ANO4: variants seen among roughly 807,000 people sequenced by gnomAD.
ANO4 encodes anoctamin 4.
In ANO4, 69 loss-of-function variants were observed where a neutral mutation model predicts 141.9. The ratio of observed to expected loss-of-function variants is 0.49; its 90% CI spans 0.40 to 0.59. The LOEUF (loss-of-function observed/expected upper bound fraction) is 0.59. ANO4 is among the 20% of genes least tolerant of loss of function. The probability of loss-of-function intolerance (pLI) is 0.00; values close to 1 mark genes in which losing one functional copy is unlikely to be tolerated. For synonymous variants in ANO4, 350 were observed against 394.3 expected (o/e 0.89, Z 1.33); for missense variants, 894 against 1,162.2 (o/e 0.77, Z 3.36).
chr12:100,900,902 T>C (rs936156005), intron 1 of ANO4, among the ~76,000 whole-genome samples: 2 of 152,212 alleles, frequency 1.3e-5, no homozygotes, highest in Admixed American at 6.5e-5. Flanking sequence ...GAACCTCCAA[T>C]GGTGAACAAT....
intron 1 of ANO4, among the ~76,000 whole-genome samples, chr12:100,894,301 T>C (rs1205540417): frequency 2.0e-5 from 3 of 152,014 alleles, no homozygotes; most frequent in Admixed American, 6.6e-5. Context: ...TGGAGGATGG[T>C]TGGGCAGTAG....
intron 9 of ANO4, among the ~76,000 whole-genome samples, chr12:101,030,707 C>G (rs2046939249): frequency 6.6e-6 from 1 of 151,806 alleles, no homozygotes; most frequent in Non-Finnish European, 1.5e-5. Flanking sequence ...TAAGAAATAC[C>G]ACTAGCTAGA....
intron 3 of ANO4, among the ~76,000 whole-genome samples, chr12:100,928,486 G>A (rs2041965151): frequency 6.6e-6 from 1 of 152,050 alleles, no homozygotes; most frequent in African/African-American, 2.4e-5. Flanking sequence ...ATTAAAGCTT[G>A]AATAAGTTAA....
At chr12:101,045,715 A>G (rs955774284) in intron 13 of ANO4, among the ~76,000 whole-genome samples, 10 of 152,176 alleles carry the variant, frequency 6.6e-5, no homozygotes, top group African/African-American at 2.4e-4. Context: ...GGGGTGGCTC[A>G]CGCTGTGGGA....
At chr12:100,784,046 A>G (rs1318796610) in intron 3 of ANO4, among the ~76,000 whole-genome samples, 1 of 152,096 alleles carries the variant, frequency 6.6e-6, no homozygotes, top group African/African-American at 2.4e-5. Flanking sequence ...GTGCAATCTA[A>G]TGTTCAAAGC....
intron 9 of ANO4, among the ~76,000 whole-genome samples, chr12:101,022,457 C>T (rs1170364148): frequency 1.3e-5 from 2 of 152,218 alleles, no homozygotes; most frequent in African/African-American, 4.8e-5. Context: ...AAGAGAACCA[C>T]TCATAACATT....
At chr12:100,798,913 A>G (rs2034513284) in intron 1 of ANO4, among the ~76,000 whole-genome samples, 1 of 152,220 alleles carries the variant, frequency 6.6e-6, no homozygotes, top group Non-Finnish European at 1.5e-5. Context: ...GCCAGCAGCC[A>G]TTCTTATAGA....
intron 1 of ANO4, among the ~76,000 whole-genome samples, chr12:100,861,361 G>A (rs1412268932): frequency 3.9e-5 from 6 of 152,144 alleles, no homozygotes; most frequent in African/African-American, 1.4e-4. Flanking sequence ...TTGCTCCTAG[G>A]CTGCAAACCT....
At chr12:100,800,816 A>G (rs761726627) in intron 1 of ANO4, among the ~76,000 whole-genome samples, 30 of 152,182 alleles carry the variant, frequency 2.0e-4, no homozygotes, top group Non-Finnish European at 4.3e-4. Context: ...TCCTTGTTCT[A>G]TGTCTGGTTC....
intron 2 of ANO4, among the ~76,000 whole-genome samples, chr12:100,914,829 T>C (rs1264472578): frequency 6.6e-6 from 1 of 152,156 alleles, no homozygotes; most frequent in Non-Finnish European, 1.5e-5. Flanking sequence ...TTATTTTTAT[T>C]TTTTTAAGAT....
At chr12:101,043,698 T>C in intron 13 of ANO4, 63 bp downstream of exon 13, 2 of 1,205,682 alleles carry the variant, frequency 1.7e-6, no homozygotes, top group Non-Finnish European at 2.5e-6. Flanking sequence ...TGAGGGATGG[T>C]GGGTAACTCT....
At chr12:101,009,712 A>G (rs912944004) in intron 8 of ANO4, among the ~76,000 whole-genome samples, 2 of 152,048 alleles carry the variant, frequency 1.3e-5, no homozygotes, top group African/African-American at 2.4e-5. Context: ...ATGTTTACTT[A>G]TATTACTGGA....
At chr12:100,804,582 G>A (rs114700894) in intron 1 of ANO4, among the ~76,000 whole-genome samples, 3,311 of 152,266 alleles carry the variant, frequency 0.022, 92 homozygotes, top group African/African-American at 0.063. Flanking sequence ...TGTAAAAGCA[G>A]TCCATTTTCT....
intron 5 of ANO4, among the ~76,000 whole-genome samples, chr12:100,969,096 T>G (rs1011280168): frequency 3.3e-5 from 5 of 152,218 alleles, no homozygotes; most frequent in African/African-American, 1.2e-4. Flanking sequence ...AAGAGTCACT[T>G]CATTGACAGT....
intron 3 of ANO4, among the ~76,000 whole-genome samples, chr12:100,931,751 G>A (rs2042094368): frequency 6.6e-6 from 1 of 152,164 alleles, no homozygotes; most frequent in African/African-American, 2.4e-5. Flanking sequence ...AAGGTAATCA[G>A]AATAAGAAAA....
chr12:101,107,950 G>T lies in ANO4; in HGVS notation c.2150-2454G>T, dbSNP rs561332370. Among the ~76,000 whole-genome samples the T allele has an allele frequency of 1.4e-4, 22 of 152,296 alleles. No homozygotes were observed. In the South Asian group the frequency reaches 4.6e-3, roughly 32 times the overall value. ...AATTGTCAGGACTAGGAGGCTAATG[G>T]TTCTGAAGGCTAAGCTAGCAGAGAC... is the stretch of plus-strand genomic sequence containing the variant. On this transcript the variant is annotated intron_variant, in intron 22 of 27. Coordinates refer to ENST00000392977, the MANE Select transcript of ANO4 (RefSeq NM_001286615.2).
At chr12:100,913,808 TG>T (rs1165828183) in intron 2 of ANO4, among the ~76,000 whole-genome samples, 1 of 152,214 alleles carries the variant, frequency 6.6e-6, no homozygotes, top group Non-Finnish European at 1.5e-5. Flanking sequence ...GAGTTTGAGC[TG>T]ACAGGCCGAT....
At chr12:100,905,582 G>A (rs1283720517) in intron 2 of ANO4, among the ~76,000 whole-genome samples, 1 of 152,180 alleles carries the variant, frequency 6.6e-6, no homozygotes, top group Non-Finnish European at 1.5e-5. Context: ...GTGGAGTGGT[G>A]GGGATGAAAC....
rs573654318 is a variant in ANO4 at position 100,733,172 on chromosome 12, G to A, written c.23-602G>A. ...ATAGGATCCTGCTTTCTAGGCAGAA[G>A]CCAAACTTGTTAACTTGGTTTACAA... is the stretch of plus-strand genomic sequence containing the variant. On this transcript the variant is annotated intron_variant, in intron 1 of 29. Coordinates refer to the ANO4 transcript ENST00000644049. Among the ~76,000 whole-genome samples, 7 of 152,264 alleles carry A rather than the reference G, an allele frequency of 4.6e-5. No homozygotes were observed. The South Asian group carries it at 1.2e-3, about 27-fold the overall frequency.
Sources: allele counts gnomAD v4.1 joint callset (sites outside exome capture counted in the v4.1 genomes callset), GRCh38; gene constraint gnomAD v4.1.1; transcripts MANE v1.5; gene names NCBI Gene and HGNC (gene_info 2026-07-23, HGNC 2026-07-21).